The following PSG6 variants were observed in gnomAD, a reference collection of about 807,000 sequenced individuals.
PSG6 encodes the protein pregnancy-specific beta-1-glycoprotein 6.
PSG6 carries 51 observed loss-of-function variants against 43.3 expected under a neutral mutation model. That is an observed-to-expected ratio of 1.18 (90% confidence interval 0.94 to 1.49). The LOEUF (loss-of-function observed/expected upper bound fraction) is 1.49. Ranked by LOEUF, PSG6 falls within the 40% of genes most tolerant of loss-of-function variation. The pLI is 0.00. For missense variants in PSG6, 770 were observed against 522.2 expected (o/e 1.47, Z -4.62); for synonymous variants, 292 against 197.6 (o/e 1.48, Z -4.01).
chr19:42,911,570 C>A (rs1279023626), intron 2 of PSG6, among the ~76,000 whole-genome samples: 1 of 151,668 alleles, frequency 6.6e-6, no homozygotes, highest in Admixed American at 6.6e-5. Flanking sequence ...TGGCCCAAGA[C>A]CATGATCCCT....
intron 2 of PSG6, among the ~76,000 whole-genome samples, chr19:42,913,703 G>C (rs1424171999): frequency 6.6e-6 from 1 of 151,672 alleles, no homozygotes; most frequent in Non-Finnish European, 1.5e-5. Flanking sequence ...ACGTGAGATT[G>C]GTCTTTTGAA....
chr19:42,917,163 A>G (rs1223148272), intron 1 of PSG6, among the ~76,000 whole-genome samples: 1 of 150,964 alleles, frequency 6.6e-6, no homozygotes. Flanking sequence ...CATCTGATAT[A>G]GTCATTATTA....
intron 1 of PSG6, among the ~76,000 whole-genome samples, chr19:42,917,414 C>CGTGCA (rs1388930512): frequency 6.4e-5 from 9 of 140,142 alleles, no homozygotes; most frequent in African/African-American, 2.4e-4. Flanking sequence ...CCCAGGCTGG[C>CGTGCA]GTGCAGTGGT....
At chr19:42,915,105 G>A (rs1205341755) in intron 2 of PSG6, among the ~76,000 whole-genome samples, 2 of 151,458 alleles carry the variant, frequency 1.3e-5, no homozygotes, top group African/African-American at 2.4e-5. Context: ...ACTTCTGGTA[G>A]AGGAGAGGAT....
chr19:42,914,402 G>C (rs1285181134), intron 2 of PSG6, among the ~76,000 whole-genome samples: 5 of 150,642 alleles, frequency 3.3e-5, no homozygotes, highest in African/African-American at 1.2e-4. Flanking sequence ...TTGCCAGTCA[G>C]AATGAAGTGG....
chr19:42,906,835 G>C (rs1972120496), intron 5 of PSG6, 87 bp downstream of exon 5: 2 of 1,608,212 alleles, frequency 1.2e-6, no homozygotes, highest in African/African-American at 1.3e-5. Context: ...CACAGTCTGG[G>C]AATACAAATG....
intron 4 of PSG6, 81 bp downstream of exon 4, chr19:42,907,495 G>A: frequency 1.3e-6 from 2 of 1,589,074 alleles, no homozygotes; most frequent in Middle Eastern, 2.2e-4. Flanking sequence ...ACTTGGACCG[G>A]AGAGAGACTG....
chr19:42,904,693 A>T (rs1355111993), intron 5 of PSG6, among the ~76,000 whole-genome samples: 2 of 151,702 alleles, frequency 1.3e-5, no homozygotes, highest in African/African-American at 4.8e-5. Flanking sequence ...AAGACTCAAT[A>T]TTGTTAGGAG....
intron 2 of PSG6, 95 bp from the exon 3 acceptor site, chr19:42,910,953 C>A: frequency 6.6e-7 from 1 of 1,522,204 alleles, no homozygotes; most frequent in Non-Finnish European, 8.8e-7. Flanking sequence ...AACCTCTCAG[C>A]CCACCCAAGT....
chr19:42,902,261 C>A lies in PSG6; in HGVS notation c.*151G>T, dbSNP rs1058182. The stretch of plus-strand genomic sequence containing the variant: ...CATAAATCTGGAGAATAAAACATTC[C>A]AAGAATCAGCACATTTTCCAATAAA... On this transcript the variant is annotated 3_prime_UTR_variant, in exon 6 of 6. Transcript: ENST00000187910. 8.9e-5 allele frequency: 91 copies of A among 1,020,132 alleles called. 1 individual carries two copies. Among genetic ancestry groups the A allele is most frequent in the African/African-American group, 7.6e-4 (47 of 62,192 alleles). The allele number at this position is 1,020,132 out of a possible 1,614,324, so 63.2% of individuals were successfully genotyped here. A position where few individuals can be genotyped will look rare whatever the true frequency, so the allele number is the denominator to read the frequency against.
intron 3 of PSG6, among the ~76,000 whole-genome samples, chr19:42,908,262 C>G (rs142236357): frequency 6.6e-6 from 1 of 151,672 alleles, no homozygotes; most frequent in Admixed American, 6.6e-5. Context: ...TTCTCTGCAG[C>G]TTCCATTTCC....
chr19:42,908,807 T>A (rs1490737865), intron 3 of PSG6, among the ~76,000 whole-genome samples: 1 of 151,754 alleles, frequency 6.6e-6, no homozygotes, highest in Non-Finnish European at 1.5e-5. Context: ...CATTCTACTC[T>A]CTGATTCCAT....
In PSG6 at chr19:42,917,417, G is replaced by A. The variant is rs187576854; in HGVS notation, c.64+312C>T. On this transcript the variant is annotated intron_variant, in intron 1 of 5. Transcript: ENST00000187910. ...CTCGTACTGTCACCCAGGCTGGCGT[G>A]CAGTGGTGCTGTCTCGGCTAGCTGC... 1.6e-4 allele frequency among the ~76,000 whole-genome samples: 23 copies of A among 141,908 alleles called. 2 individuals carry two copies. The East Asian group carries it at 4.3e-3, about 27-fold the overall frequency. The allele number at this position is 141,908 out of a possible 152,430, so 93.1% of individuals were successfully genotyped here. A position where few individuals can be genotyped will look rare whatever the true frequency, so the allele number is the denominator to read the frequency against.
intron 5 of PSG6, 44 bp downstream of exon 5, chr19:42,906,878 C>G (rs1409998433): frequency 1.2e-6 from 2 of 1,611,740 alleles, no homozygotes; most frequent in South Asian, 2.2e-5. Context: ...GCCAGATAGA[C>G]TCCACCTAAA....
At chr19:42,913,246 G>T (rs1972261684) in intron 2 of PSG6, among the ~76,000 whole-genome samples, 3 of 151,480 alleles carry the variant, frequency 2.0e-5, no homozygotes, top group Non-Finnish European at 4.4e-5. Context: ...CACCTCCTGG[G>T]TTCATGCCAT....
chr19:42,915,092 C>A (rs552968146), intron 2 of PSG6, among the ~76,000 whole-genome samples: 1 of 151,468 alleles, frequency 6.6e-6, no homozygotes, highest in Non-Finnish European at 1.5e-5. Flanking sequence ...CCAGTAAGCC[C>A]TCACTTCTGG....
rs571752246 is a variant in PSG6, at chr19:42,915,885, C to A, written c.427+240G>T. The A allele has an allele frequency of 1.5e-5, 9 of 602,666 alleles. 1 individual carries two copies. The highest frequency in any genetic ancestry group is 1.2e-4 in the South Asian group (4 of 34,664). 37.3% of individuals were successfully genotyped at this position (602,666 alleles called of 1,614,324 possible). On this transcript the variant is annotated intron_variant, in intron 2 of 5. Coordinates refer to ENST00000187910, the MANE Select transcript of PSG6 (RefSeq NM_001031850.4). Reference sequence around the variant, plus strand: ...TGAGACTGATCTCCTCCTGCTGAGTCCCCCCATCAGACTGTCCTTCCTCTG... The same window carrying A: ...TGAGACTGATCTCCTCCTGCTGAGTACCCCCATCAGACTGTCCTTCCTCTG...
Position 42,909,540 on chromosome 19 carries a change from C to T in PSG6, c.706+1040G>A, listed in dbSNP as rs191977498. On this transcript the variant is annotated intron_variant, in intron 3 of 5. Coordinates refer to ENST00000187910, the MANE Select transcript of PSG6 (RefSeq NM_001031850.4). ...TCTAACAATATTGCTTCTTCCAATC[C>T]ATGAAAATGAAATGTGTTTCCATAT... 1.9e-3 allele frequency among the ~76,000 whole-genome samples: 293 copies of T among 151,682 alleles called. 4 individuals are homozygous for T. The highest frequency in any genetic ancestry group is 6.7e-3 in the African/African-American group (276 of 41,360).
At chr19:42,903,069 TA>T (rs1972060122) in intron 5 of PSG6, among the ~76,000 whole-genome samples, 1 of 151,566 alleles carries the variant, frequency 6.6e-6, no homozygotes. Flanking sequence ...TAGCATGGTG[TA>T]AAAACTTTCC....
Sources: allele counts gnomAD v4.1 joint callset (sites outside exome capture counted in the v4.1 genomes callset), GRCh38; gene constraint gnomAD v4.1.1; transcripts MANE v1.5; gene names NCBI Gene and HGNC (gene_info 2026-07-23, HGNC 2026-07-21).